TUBD1: variants seen among roughly 807,000 people sequenced by gnomAD.
TUBD1 encodes the protein tubulin delta 1.
A neutral mutation model predicts 51.2 loss-of-function variants in TUBD1; 38 were observed. That is an observed-to-expected ratio of 0.74 (90% CI 0.57 to 0.97). TUBD1 has a LOEUF of 0.97. Ranked by LOEUF, TUBD1 falls within the 50% of genes least tolerant of loss-of-function variation. The probability of loss-of-function intolerance (pLI) is 0.00; values close to 1 mark genes in which losing one functional copy is unlikely to be tolerated. For synonymous variants in TUBD1, 169 were observed against 178.2 expected (o/e 0.95, Z 0.41); for missense variants, 489 against 538.4 (o/e 0.91, Z 0.91).
intron 4 of TUBD1, among the ~76,000 whole-genome samples, chr17:59,880,412 G>A (rs947592566): frequency 3.3e-5 from 5 of 151,648 alleles, no homozygotes; most frequent in African/African-American, 9.7e-5. Context: ...TTTAAGGGAA[G>A]ATATATATAT....
At position 59,881,020 on chromosome 17, in the gene TUBD1, GA is replaced by G; in HGVS notation, c.410del (p.Phe137SerfsTer3). The G allele has an allele frequency of 6.2e-7, 1 of 1,614,082 alleles. No individual in the cohort carries two copies. The highest frequency in any genetic ancestry group is 1.3e-5 in the African/African-American group (1 of 75,020). On this transcript the variant is annotated frameshift_variant, in exon 4 of 9. Coordinates refer to ENST00000325752, the MANE Select transcript of TUBD1 (RefSeq NM_016261.4). LOFTEE classifies it high-confidence loss of function. ...VEKCDSFSGFFIIMSMAGGTG... is the reference protein window; with the variant it reads ...VEKCDSFSGFXIIMSMAGGTG... ...TGCCCCCAGCCATACTCATTATGAT[GA>G]AAAAACCACTGAAAGAGTCACATTT... is the stretch of plus-strand genomic sequence containing the variant.
At position 59,881,087 on chromosome 17, in the gene TUBD1, T is replaced by C. The variant is rs752057116; in HGVS notation, c.344A>G (p.His115Arg). 3.1e-6 allele frequency: 5 copies of C among 1,614,136 alleles called. No homozygotes were observed. The highest frequency in any genetic ancestry group is 2.2e-5 in the East Asian group (1 of 44,872). Reference sequence around the variant, plus strand: ...GATTATGTTCATTATAGATTCTTCATGCCTGGGTCCATGAACAGAGTAACT... The same window carrying C: ...GATTATGTTCATTATAGATTCTTCACGCCTGGGTCCATGAACAGAGTAACT... ...AYGYSVHGPR[H>R]EESIMNIIRK... Residue 115 changes from histidine to arginine, a missense_variant, in exon 4 of 9, where the codon CAT (histidine) becomes CGT (arginine). By Grantham distance (29) the His-to-Arg change is conservative. Coordinates refer to ENST00000325752, the MANE Select transcript of TUBD1 (RefSeq NM_016261.4).
intron 2 of TUBD1, 27 bp from the exon 3 acceptor site, chr17:59,886,257 A>C (rs1237648895): frequency 6.3e-7 from 1 of 1,595,842 alleles, no homozygotes; most frequent in Non-Finnish European, 8.5e-7. Flanking sequence ...ACCCAAAAAC[A>C]TCGAAAGAAA....
Position 59,886,148 on chromosome 17 carries a change from T to C in TUBD1, c.255A>G (p.Gln85=), listed in dbSNP as rs2040710650. Residue 85 remains glutamine (Q), a synonymous_variant, in exon 3 of 9, where the codon CAA becomes CAG. Coordinates refer to ENST00000325752, the MANE Select transcript of TUBD1 (RefSeq NM_016261.4). ...AGCATGCATGTTGACCATATTTCCATTGGCCAGACTGGGCAGCCTTTGACA... is the reference window on the plus strand; with the variant it reads ...AGCATGCATGTTGACCATATTTCCACTGGCCAGACTGGGCAGCCTTTGACA... ...QMLSKAAQSG[Q]WKYGQHACFC... The C allele has an allele frequency of 1.9e-6, 3 of 1,614,106 alleles. No homozygotes were observed. The highest frequency in any genetic ancestry group is 2.5e-6 in the Non-Finnish European group (3 of 1,180,020).
At chr17:59,882,405 G>T (rs910191390) in intron 3 of TUBD1, among the ~76,000 whole-genome samples, 1 of 151,884 alleles carries the variant, frequency 6.6e-6, no homozygotes, top group Admixed American at 6.6e-5. Context: ...TCCCACCTCA[G>T]TCTCCCGAGT....
intron 6 of TUBD1, among the ~76,000 whole-genome samples, chr17:59,867,749 A>G (rs1308664726): frequency 1.3e-5 from 2 of 151,960 alleles, no homozygotes; most frequent in Non-Finnish European, 2.9e-5. Flanking sequence ...TGCTAATGGG[A>G]TGTAACTTTT....
chr17:59,872,943 A>T (rs2040062056), intron 6 of TUBD1, among the ~76,000 whole-genome samples: 1 of 151,772 alleles, frequency 6.6e-6, no homozygotes, highest in African/African-American at 2.4e-5. Flanking sequence ...TGTATTTTTT[A>T]GTAAAGAAGG....
At chr17:59,861,957 C>T (rs928645497) in intron 8 of TUBD1, among the ~76,000 whole-genome samples, 3 of 151,332 alleles carry the variant, frequency 2.0e-5, no homozygotes. Context: ...TGAGCCACTG[C>T]ACCCAGCCTG....
intron 3 of TUBD1, chr17:59,884,847 C>G (rs887927660): frequency 5.9e-6 from 1 of 168,198 alleles, no homozygotes; most frequent in African/African-American, 2.4e-5. Flanking sequence ...TGCTTGAACC[C>G]AGGAGATGGA....
chr17:59,891,491 T>C (rs2041032919), intron 1 of TUBD1, among the ~76,000 whole-genome samples: 1 of 152,066 alleles, frequency 6.6e-6, no homozygotes, highest in South Asian at 2.1e-4. Flanking sequence ...AGAACAGCTG[T>C]GTTGTCTAAG....
chr17:59,862,186 A>G (rs58421027), intron 8 of TUBD1, among the ~76,000 whole-genome samples: 3 of 151,250 alleles, frequency 2.0e-5, no homozygotes, highest in East Asian at 4.1e-4. Context: ...AGCTCGGTGT[A>G]GTGGTGCATG....
chr17:59,863,772 C>G lies in TUBD1; in HGVS notation c.1151G>C (p.Arg384Pro), dbSNP rs200634285. Residue 384 changes from arginine (R) to proline (P), a missense_variant, in exon 8 of 9, where the codon CGG (arginine) becomes CCG (proline). By Grantham distance (103) the Arg-to-Pro change is moderately radical (BLOSUM62 -2). Coordinates refer to ENST00000325752, the MANE Select transcript of TUBD1 (RefSeq NM_016261.4). ...VNAFNVWKTQ[R>P]AFSKYEKSAV... ...AGACTTCTCATATTTGCTAAAGGCC[C>G]GCTGGGTTTTCCACACGTTGAAAGC... The G allele has an allele frequency of 3.6e-5, 58 of 1,610,878 alleles. No individual in the cohort carries two copies. Among genetic ancestry groups the G allele is most frequent in the Non-Finnish European group, 3.0e-5 (35 of 1,179,026 alleles).
Position 59,859,713 on chromosome 17 carries a change from T to C in TUBD1, c.*609A>G, listed in dbSNP as rs999370986. Reference sequence around the variant, plus strand: ...AATTATGCTGTGAAAGTTTGGTTCATGCTTTGTGAGTTGTTTTTGGAGTTG... The same window carrying C: ...AATTATGCTGTGAAAGTTTGGTTCACGCTTTGTGAGTTGTTTTTGGAGTTG... On this transcript the variant is annotated 3_prime_UTR_variant, in exon 9 of 9. Transcript: ENST00000325752. The C allele has an allele frequency of 6.6e-5, 10 of 152,614 alleles. No individual in the cohort carries two copies. The highest frequency in any genetic ancestry group is 2.1e-4 in the South Asian group (1 of 4,832). 9.5% of individuals were successfully genotyped at this position (152,614 alleles called of 1,614,324 possible).
At chr17:59,882,648 A>C (rs1410844148) in intron 3 of TUBD1, among the ~76,000 whole-genome samples, 1 of 152,030 alleles carries the variant, frequency 6.6e-6, no homozygotes, top group Non-Finnish European at 1.5e-5. Context: ...CCCAGGCTGG[A>C]GTGAAATGTG....
chr17:59,864,428 G>A (rs979416447), intron 7 of TUBD1, among the ~76,000 whole-genome samples: 1 of 152,114 alleles, frequency 6.6e-6, no homozygotes, highest in African/African-American at 2.4e-5. Context: ...TTATAGGCAT[G>A]AGCCACTGCA....
rs142202265 is a variant in TUBD1, at chr17:59,863,687, C to T, written c.1236G>A (p.Lys412=). Residue 412 remains lysine (K), a synonymous_variant, in exon 8 of 9, where the codon AAG becomes AAA. Transcript: ENST00000325752. ...LVKPLDMIVG[K]AWNMFASKAY... is the part of the protein sequence containing the mutation. The stretch of plus-strand genomic sequence containing the variant: ...ACTTTGAAGCAAACATATTCCATGC[C>T]TTCCCAACAATCATATCAAGTGGTT... The T allele has an allele frequency of 1.6e-5, 26 of 1,587,584 alleles. No homozygotes were observed. Among genetic ancestry groups the T allele is most frequent in the Non-Finnish European group, 2.2e-5 (26 of 1,171,848 alleles).
At chr17:59,891,394 C>T (rs1441084863) in intron 1 of TUBD1, among the ~76,000 whole-genome samples, 2 of 152,076 alleles carry the variant, frequency 1.3e-5, no homozygotes, top group Non-Finnish European at 2.9e-5. Flanking sequence ...CTCAGCCTCC[C>T]AAAGTGCTGG....
chr17:59,881,224 G>T (rs2040476117), intron 3 of TUBD1, 114 bp from the exon 4 acceptor site: 2 of 827,480 alleles, frequency 2.4e-6, no homozygotes, highest in South Asian at 1.7e-5. Flanking sequence ...GGAAGTGAAG[G>T]AACTCTCATG....
At chr17:59,877,347 C>G (rs2040271495) in intron 5 of TUBD1, among the ~76,000 whole-genome samples, 1 of 152,206 alleles carries the variant, frequency 6.6e-6, no homozygotes, top group Non-Finnish European at 1.5e-5. Flanking sequence ...TTCCCAATCA[C>G]CAAACACAAT....
Sources: allele counts gnomAD v4.1 joint callset (sites outside exome capture counted in the v4.1 genomes callset), GRCh38; gene constraint gnomAD v4.1.1; transcripts MANE v1.5; gene names NCBI Gene and HGNC (gene_info 2026-07-23, HGNC 2026-07-21).